Variants in TRPC3 observed in about 807,000 individuals in gnomAD.
TRPC3 encodes the protein short transient receptor potential channel 3.
In TRPC3, 54 loss-of-function variants were observed where a neutral mutation model predicts 90.9. The ratio of observed to expected loss-of-function variants is 0.59; its 90% CI spans 0.48 to 0.75. TRPC3 has a LOEUF of 0.75. TRPC3 is among the 30% of genes least tolerant of loss of function. The probability of loss-of-function intolerance (pLI) is 0.00; values close to 1 mark genes in which losing one functional copy is unlikely to be tolerated. For synonymous variants in TRPC3, 424 were observed against 450.9 expected, an observed-to-expected ratio of 0.94 and a Z score of 0.75; for missense variants, 918 against 1,194.5, an observed-to-expected ratio of 0.77 and a Z score of 3.41.
intron 3 of TRPC3, among the ~76,000 whole-genome samples, chr4:121,920,037 T>C (rs1729449760): frequency 6.6e-6 from 1 of 152,174 alleles, no homozygotes; most frequent in South Asian, 2.1e-4. Flanking sequence ...GGGCAAATAG[T>C]CCATTATTCT....
intron 1 of TRPC3, among the ~76,000 whole-genome samples, chr4:121,944,007 T>C (rs1257646992): frequency 1.3e-5 from 2 of 152,140 alleles, no homozygotes; most frequent in East Asian, 3.9e-4. Context: ...ACAATCCTAA[T>C]TATTCTCATA....
rs1323869368 is a variant in TRPC3, at chr4:121,874,760, G to C, written c.*4976C>G. Among the ~76,000 whole-genome samples, 1 of 152,102 alleles carries C rather than the reference G, an allele frequency of 6.6e-6. No individual in the cohort carries two copies. Among genetic ancestry groups the C allele is most frequent in the African/African-American group, 2.4e-5 (1 of 41,408 alleles). On this transcript the variant is annotated 3_prime_UTR_variant, in exon 12 of 12. Transcript: ENST00000379645. ...TTATAGTCTGAGATACTGAAGGCGA[G>C]GACTTTAACATGAGTTTTGAGGGGA...
chr4:121,899,803 G>A, intron 9 of TRPC3, 108 bp from the exon 10 acceptor site: 1 of 840,512 alleles, frequency 1.2e-6, no homozygotes, highest in Non-Finnish European at 1.9e-6. Flanking sequence ...ACATTCCCAA[G>A]AAACATTTTG....
intron 1 of TRPC3, among the ~76,000 whole-genome samples, chr4:121,950,178 T>G (rs1730656406): frequency 6.6e-6 from 1 of 152,152 alleles, no homozygotes; most frequent in African/African-American, 2.4e-5. Flanking sequence ...TCATTTAAAA[T>G]CAGAACTCTT....
At chr4:121,905,916 AATC>A (rs1241921255) in intron 7 of TRPC3, among the ~76,000 whole-genome samples, 4 of 152,044 alleles carry the variant, frequency 2.6e-5, no homozygotes, top group African/African-American at 9.7e-5. Context: ...GAAAAACTAT[AATC>A]TTTTTGTTCC....
intron 1 of TRPC3, among the ~76,000 whole-genome samples, chr4:121,941,346 T>A (rs1396935686): frequency 6.6e-6 from 1 of 152,174 alleles, no homozygotes; most frequent in African/African-American, 2.4e-5. Flanking sequence ...TTAATGAGAA[T>A]GACATCCAAA....
At chr4:121,935,419 G>GGTGTGTGGTGGGGTGTGTGT (rs1553942407) in intron 1 of TRPC3, among the ~76,000 whole-genome samples, 2 of 147,240 alleles carry the variant, frequency 1.4e-5, no homozygotes, top group African/African-American at 5.0e-5. Context: ...ACATGTGTGG[G>GGTGTGTGGTGGGGTGTGTGT]GTGTGTGTGT....
chr4:121,895,780 A>G (rs1728498578), intron 10 of TRPC3, among the ~76,000 whole-genome samples: 2 of 152,156 alleles, frequency 1.3e-5, no homozygotes, highest in Admixed American at 1.3e-4. Context: ...AAGAATTAAT[A>G]CTAATTATTC....
rs1021388098 is a variant in TRPC3 at position 121,879,245 on chromosome 4, A to C, written c.*491T>G. 3.3e-5 allele frequency: 5 copies of C among 152,012 alleles called. No homozygotes were observed. The highest frequency in any genetic ancestry group is 9.7e-5 in the African/African-American group (4 of 41,392). 9.4% of individuals were successfully genotyped at this position (152,012 alleles called of 1,614,324 possible). On this transcript the variant is annotated 3_prime_UTR_variant, in exon 12 of 12. Transcript: ENST00000379645. ...TCAGTTTCTATTAAAAAAAAAAAAAAAAAACCTCTTCAGAACTTGGACAAG... is the reference window on the plus strand; with the variant it reads ...TCAGTTTCTATTAAAAAAAAAAAAACAAAACCTCTTCAGAACTTGGACAAG...
Position 121,881,355 on chromosome 4 carries a change from G to A in TRPC3, c.2623+999C>T, listed in dbSNP as rs565218651. Among the ~76,000 whole-genome samples the A allele has an allele frequency of 1.4e-3, 209 of 151,916 alleles. 2 individuals are homozygous for A. The highest frequency in any genetic ancestry group is 2.6e-3 in the Non-Finnish European group (174 of 67,976). On this transcript the variant is annotated intron_variant, in intron 11 of 11. Transcript: ENST00000379645. The stretch of plus-strand genomic sequence containing the variant: ...GGAAATGCTTCTTGTTTTTTATGCC[G>A]TTTTAGCCATACAGTTCTTCCCACT...
chr4:121,932,294 C>G lies in TRPC3; in HGVS notation c.964G>C (p.Ala322Pro), dbSNP rs1297116223. 2 of 1,613,896 alleles carry G rather than the reference C, an allele frequency of 1.2e-6. No homozygotes were observed. Among genetic ancestry groups the G allele is most frequent in the Admixed American group, 3.3e-5 (2 of 60,010 alleles). ...ACCTTGAACTCCTTCTCTATGTTGG[C>G]CAGCTTGGCCAGCTCGTTGCTGAGC... ...LELSNELAKL[A>P]NIEKEFKNDY... is the part of the protein sequence containing the mutation. The change falls in exon 2 of 12, where the codon GCC becomes CCC. Residue 322 changes from alanine to proline, a missense_variant. Ala to Pro is a conservative substitution (Grantham distance 27, BLOSUM62 -1). This residue lies in a region of TRPC3 where 609 missense variants were observed against 725.9 expected (regional missense o/e 0.84). Transcript: ENST00000379645. The surrounding 1 kb of genome is among the most constrained non-coding windows in gnomAD (Gnocchi z 7.7).
intron 10 of TRPC3, 94 bp downstream of exon 10, chr4:121,899,518 G>T: frequency 9.7e-7 from 1 of 1,034,412 alleles, no homozygotes; most frequent in Non-Finnish European, 1.5e-6. Context: ...TATATCTCAA[G>T]AATATAACTC....
rs1484583902 is a variant in TRPC3, at chr4:121,878,543, GGGGAACTTACT to G, written c.*1182_*1192del. Among the ~76,000 whole-genome samples the G allele has an allele frequency of 2.0e-5, 3 of 152,314 alleles. No homozygotes were observed. The highest frequency in any genetic ancestry group is 6.5e-5 in the Admixed American group (1 of 15,286). Reference sequence around the variant, plus strand: ...GTGTTTTATAGTCTCTGAAGTGACTGGGGAACTTACTGGTCTGCATGCCTTTTCCCATTAAA... The same window carrying G: ...GTGTTTTATAGTCTCTGAAGTGACTGGGTCTGCATGCCTTTTCCCATTAAA... On this transcript the variant is annotated 3_prime_UTR_variant, in exon 12 of 12. Transcript: ENST00000379645.
chr4:121,903,307 CA>C (rs1429472818), intron 8 of TRPC3, among the ~76,000 whole-genome samples: 2 of 152,002 alleles, frequency 1.3e-5, no homozygotes, highest in Admixed American at 6.6e-5. Context: ...GTCTAACATC[CA>C]AAAACAAGGC....
intron 1 of TRPC3, among the ~76,000 whole-genome samples, chr4:121,947,067 CA>C (rs1730516332): frequency 6.6e-6 from 1 of 150,948 alleles, no homozygotes; most frequent in Admixed American, 6.6e-5. Flanking sequence ...CCTGTAGTCC[CA>C]GTTACTTGGG....
Position 121,879,710 on chromosome 4 carries a change from G to A in TRPC3, c.*26C>T. 1 of 1,596,588 alleles carries A rather than the reference G, an allele frequency of 6.3e-7. No individual in the cohort carries two copies. On this transcript the variant is annotated 3_prime_UTR_variant, in exon 12 of 12. Transcript: ENST00000379645. ...TATTATTGCCCACATTTGTGCTATA[G>A]TCAAAGCCAAATCCAGGTTGCTGCA...
intron 2 of TRPC3, among the ~76,000 whole-genome samples, chr4:121,925,868 T>C (rs1729689146): frequency 6.6e-6 from 1 of 152,208 alleles, no homozygotes; most frequent in Non-Finnish European, 1.5e-5. Context: ...AAAAAGTATA[T>C]GCCAAAAGAC....
Position 121,878,636 on chromosome 4 carries a change from T to C in TRPC3, c.*1100A>G, listed in dbSNP as rs188121588. Among the ~76,000 whole-genome samples the C allele has an allele frequency of 1.1e-3, 163 of 152,324 alleles. No homozygotes were observed. The highest frequency in any genetic ancestry group is 3.8e-3 in the African/African-American group (157 of 41,552). On this transcript the variant is annotated 3_prime_UTR_variant, in exon 12 of 12. Transcript: ENST00000379645. ...CAGCACAATTATGTAATAAGGCATATGTAGATATATCACAATATATTTTAT... is the reference window on the plus strand; with the variant it reads ...CAGCACAATTATGTAATAAGGCATACGTAGATATATCACAATATATTTTAT...
intron 10 of TRPC3, among the ~76,000 whole-genome samples, chr4:121,883,801 G>C (rs1024426157): frequency 6.6e-6 from 1 of 152,068 alleles, no homozygotes; most frequent in Non-Finnish European, 1.5e-5. Context: ...AAACTCCTGG[G>C]CTCAACGCTG....
Sources: gnomAD v4.1 joint callset for allele counts (sites outside exome capture counted in the v4.1 genomes callset) on GRCh38, gnomAD v4.1.1 for gene constraint, gnomAD v4.1.1 regional missense constraint, Gnocchi (gnomAD v3.1) non-coding constraint, MANE v1.5 for transcripts, NCBI Gene and HGNC (gene_info 2026-07-23, HGNC 2026-07-21) for gene names.